Variants in IMMP2L observed in about 807,000 individuals in gnomAD.
The protein encoded by IMMP2L is inner mitochondrial membrane peptidase subunit 2.
Under a neutral mutation model 19.3 loss-of-function variants are expected in IMMP2L, and 18 were observed. That is an observed-to-expected ratio of 0.93 (90% CI 0.64 to 1.38). IMMP2L has a LOEUF of 1.38. Among genes scored for constraint, IMMP2L ranks in the 40% most tolerant of loss-of-function variants. The pLI, the probability that IMMP2L is intolerant of heterozygous loss-of-function variation, is 0.00. For synonymous variants in IMMP2L, 76 were observed against 73.0 expected (o/e 1.04, Z -0.21); for missense variants, 233 against 218.2 (o/e 1.07, Z -0.43).
chr7:110,724,704 G>A (rs1448728294), intron 5 of IMMP2L: 1 of 151,446 alleles, frequency 6.6e-6, no homozygotes, highest in Non-Finnish European at 1.5e-5. Context: ...CAATAGTTTT[G>A]TAAATTTGTT....
intron 3 of IMMP2L, among the ~76,000 whole-genome samples, chr7:111,222,651 G>A (rs955726679): frequency 6.6e-5 from 10 of 151,780 alleles, no homozygotes; most frequent in African/African-American, 2.2e-4. Flanking sequence ...ATTTACAATC[G>A]AACAATACCA....
chr7:111,211,204 T>C (rs549137816), intron 3 of IMMP2L, among the ~76,000 whole-genome samples: 10 of 152,118 alleles, frequency 6.6e-5, no homozygotes, highest in Non-Finnish European at 1.0e-4. Context: ...CCTGCATAGA[T>C]GTGAATGCCT....
chr7:110,997,623 C>A (rs1214143327), intron 3 of IMMP2L, among the ~76,000 whole-genome samples: 1 of 152,062 alleles, frequency 6.6e-6, no homozygotes, highest in African/African-American at 2.4e-5. Context: ...TGATGTTTAA[C>A]ATCTTTTCAT....
rs372473130 is a variant in IMMP2L, at chr7:110,897,728, T to TA, written c.306-11034dup. Among the ~76,000 whole-genome samples the TA allele has an allele frequency of 5.1e-3, 773 of 152,256 alleles. 12 individuals carry two copies. The highest frequency in any genetic ancestry group is 0.018 in the African/African-American group (749 of 41,546). On this transcript the variant is annotated intron_variant, in intron 4 of 5. Coordinates refer to ENST00000405709, the MANE Select transcript of IMMP2L (RefSeq NM_032549.4). ...GGTTTAATAAATGATGGTATGTCCA[T>TA]ACCATGGAATGCTATATAACCCATA...
At chr7:110,836,587 C>T (rs115192706) in intron 5 of IMMP2L, among the ~76,000 whole-genome samples, 111 of 152,220 alleles carry the variant, frequency 7.3e-4, no homozygotes, top group African/African-American at 2.6e-3. Flanking sequence ...GCCCAATAAA[C>T]CTCTTTCTTT....
At chr7:111,527,724 C>T (rs1847014365) in intron 1 of IMMP2L, among the ~76,000 whole-genome samples, 1 of 152,088 alleles carries the variant, frequency 6.6e-6, no homozygotes, top group South Asian at 2.1e-4. Flanking sequence ...GACCTGAACA[C>T]CGTTGCTCTT....
intron 3 of IMMP2L, among the ~76,000 whole-genome samples, chr7:111,399,310 A>T (rs1324928109): frequency 6.6e-6 from 1 of 152,118 alleles, no homozygotes; most frequent in Admixed American, 6.6e-5. Flanking sequence ...CACAATAGAG[A>T]ACCCAGAAAT....
At chr7:111,135,813 A>C (rs1236842245) in intron 3 of IMMP2L, among the ~76,000 whole-genome samples, 1 of 152,138 alleles carries the variant, frequency 6.6e-6, no homozygotes, top group Non-Finnish European at 1.5e-5. Context: ...GACAAACTTT[A>C]TAATATTATC....
At chr7:111,062,209 C>T (rs1037932747) in intron 3 of IMMP2L, among the ~76,000 whole-genome samples, 25 of 152,146 alleles carry the variant, frequency 1.6e-4, no homozygotes, top group African/African-American at 6.0e-4. Context: ...GCTGGGGAGG[C>T]CTCACAATCA....
chr7:110,842,386 G>A (rs989315633), intron 5 of IMMP2L, among the ~76,000 whole-genome samples: 1 of 152,164 alleles, frequency 6.6e-6, no homozygotes, highest in Non-Finnish European at 1.5e-5. Flanking sequence ...TTGAAACAGA[G>A]GCTTGAGTTC....
intron 5 of IMMP2L, among the ~76,000 whole-genome samples, chr7:110,872,121 G>A (rs1808596956): frequency 6.6e-6 from 1 of 152,032 alleles, no homozygotes; most frequent in Non-Finnish European, 1.5e-5. Flanking sequence ...ATTTGCATAG[G>A]TTGCAAGTAG....
intron 3 of IMMP2L, among the ~76,000 whole-genome samples, chr7:111,486,602 C>A (rs1021268644): frequency 6.6e-6 from 1 of 152,216 alleles, no homozygotes; most frequent in Non-Finnish European, 1.5e-5. Flanking sequence ...AGCAAACAAA[C>A]AAAAATCTCC....
chr7:111,281,799 G>A lies in IMMP2L; in HGVS notation c.239+205439C>T, dbSNP rs181309595. Among the ~76,000 whole-genome samples, 4 of 152,262 alleles carry A rather than the reference G, an allele frequency of 2.6e-5. No homozygotes were observed. The East Asian group carries it at 7.7e-4, about 29-fold the overall frequency. ...AACAAATTTGATTTCATACAGTGAA[G>A]AGACAGATCAGTCAGAGCAGTAAAC... On this transcript the variant is annotated intron_variant, in intron 3 of 5. Coordinates refer to ENST00000405709, the MANE Select transcript of IMMP2L (RefSeq NM_032549.4).
intron 3 of IMMP2L, among the ~76,000 whole-genome samples, chr7:111,356,407 G>T (rs1470186174): frequency 6.6e-6 from 1 of 151,986 alleles, no homozygotes; most frequent in Non-Finnish European, 1.5e-5. Context: ...ATGTAATCTA[G>T]AGGTGACTTT....
At chr7:111,274,410 C>A (rs1674768297) in intron 3 of IMMP2L, among the ~76,000 whole-genome samples, 1 of 152,054 alleles carries the variant, frequency 6.6e-6, no homozygotes, top group South Asian at 2.1e-4. Flanking sequence ...AACCTTATTG[C>A]CAGTAATTTG....
At chr7:110,680,513 C>G (rs1056600791) in intron 5 of IMMP2L, among the ~76,000 whole-genome samples, 1 of 152,046 alleles carries the variant, frequency 6.6e-6, no homozygotes, top group African/African-American at 2.4e-5. Flanking sequence ...GTGGTCTAAA[C>G]CCGAGAAAAA....
chr7:111,410,103 T>C (rs369040847), intron 3 of IMMP2L, among the ~76,000 whole-genome samples: 5 of 151,792 alleles, frequency 3.3e-5, no homozygotes, highest in Non-Finnish European at 5.9e-5. Flanking sequence ...CTGTGCTGCA[T>C]AGGGTGAAAC....
chr7:110,824,380 C>T (rs1803279940), intron 5 of IMMP2L, among the ~76,000 whole-genome samples: 1 of 152,100 alleles, frequency 6.6e-6, no homozygotes, highest in Admixed American at 6.6e-5. Context: ...TATTTTAATA[C>T]TTAACGTATA....
intron 5 of IMMP2L, among the ~76,000 whole-genome samples, chr7:110,830,441 C>T (rs1803870916): frequency 6.6e-6 from 1 of 151,992 alleles, no homozygotes; most frequent in African/African-American, 2.4e-5. Flanking sequence ...TCAAAATACC[C>T]TTGAAGATCT....
Sources: gnomAD v4.1 joint callset for allele counts (sites outside exome capture counted in the v4.1 genomes callset) on GRCh38, gnomAD v4.1.1 for gene constraint, MANE v1.5 for transcripts, NCBI Gene and HGNC (gene_info 2026-07-23, HGNC 2026-07-21) for gene names.